Variants in BAALC observed in about 807,000 individuals in gnomAD.
The protein encoded by BAALC is brain and acute leukemia cytoplasmic protein.
Under a neutral mutation model 15.5 loss-of-function variants are expected in BAALC, and 9 were observed. The observed-to-expected ratio is 0.58, with a 90% CI of 0.35 to 1.02. The LOEUF (loss-of-function observed/expected upper bound fraction) is 1.02, where lower values mean the gene tolerates loss of function less well. Ranked by LOEUF, BAALC falls within the 50% of genes least tolerant of loss-of-function variation. The pLI, the probability that BAALC is intolerant of heterozygous loss-of-function variation, is 0.02. For missense variants in BAALC, 201 were observed against 192.4 expected, an observed-to-expected ratio of 1.04 and a Z score of -0.27; for synonymous variants, 80 against 74.6, an observed-to-expected ratio of 1.07 and a Z score of -0.37.
intron 1 of BAALC, chr8:103,141,526 G>A (rs563735025): frequency 6.4e-6 from 1 of 157,290 alleles, no homozygotes; most frequent in South Asian, 2.0e-4. Context: ...TACACAAGGC[G>A]CCTGCCTGGG....
intron 1 of BAALC, among the ~76,000 whole-genome samples, chr8:103,168,925 C>T (rs908363574): frequency 9.2e-5 from 14 of 151,984 alleles, no homozygotes; most frequent in Admixed American, 2.6e-4. Flanking sequence ...GATAGTTTGG[C>T]GGGGTATAAA....
chr8:103,215,357 A>G (rs1201613591), intron 2 of BAALC, among the ~76,000 whole-genome samples: 1 of 152,246 alleles, frequency 6.6e-6, no homozygotes, highest in African/African-American at 2.4e-5. Context: ...TTTAAATCAG[A>G]AAAGGTTTCT....
intron 1 of BAALC, among the ~76,000 whole-genome samples, chr8:103,183,705 C>G (rs891889708): frequency 2.0e-5 from 3 of 152,154 alleles, no homozygotes; most frequent in African/African-American, 7.2e-5. Context: ...CACCTCTGCT[C>G]CATACCTGCT....
At chr8:103,145,232 C>G (rs62527613) in intron 1 of BAALC, among the ~76,000 whole-genome samples, 10,637 of 152,334 alleles carry the variant, frequency 0.07, 512 homozygotes, top group Non-Finnish European at 0.11. Flanking sequence ...TTTCCCATAA[C>G]TTTATGAAGC....
intron 1 of BAALC, among the ~76,000 whole-genome samples, chr8:103,171,321 GAGAA>G (rs1210875767): frequency 6.9e-6 from 1 of 145,570 alleles, no homozygotes; most frequent in Non-Finnish European, 1.5e-5. Context: ...GAAACAGTGA[GAGAA>G]AGAGAGAAAG....
rs755510685 is a variant in BAALC, at chr8:103,198,221, G to A, written c.161-14698G>A. ...ATTGCAATGTATTGATTCCTATGTG[G>A]TGTTTCTGTTCTTATGTATCATTAT... On this transcript the variant is annotated intron_variant, in intron 1 of 2. Coordinates refer to ENST00000309982, the MANE Select transcript of BAALC (RefSeq NM_024812.3). The A allele has an allele frequency of 4.0e-5, 27 of 668,998 alleles. No homozygotes were observed. The Middle Eastern group carries it at 2.8e-3, about 70-fold the overall frequency. The allele number at this position is 668,998 out of a possible 1,614,324, so 41.4% of individuals were successfully genotyped here.
At chr8:103,219,973 C>A (rs1421041410) in intron 2 of BAALC, among the ~76,000 whole-genome samples, 3 of 152,134 alleles carry the variant, frequency 2.0e-5, no homozygotes, top group Non-Finnish European at 4.4e-5. Flanking sequence ...ACCCTTACAA[C>A]TCTAAAAGGT....
At chr8:103,206,090 G>A (rs1812322314) in intron 1 of BAALC, among the ~76,000 whole-genome samples, 1 of 152,210 alleles carries the variant, frequency 6.6e-6, no homozygotes, top group African/African-American at 2.4e-5. Flanking sequence ...AGTGCTGAGG[G>A]CAGTTTCCAG....
intron 1 of BAALC, among the ~76,000 whole-genome samples, chr8:103,176,257 A>G (rs961932689): frequency 1.7e-4 from 26 of 152,230 alleles, no homozygotes; most frequent in African/African-American, 6.3e-4. Flanking sequence ...ACATGCACAC[A>G]TGCTGCAGAA....
intron 1 of BAALC, among the ~76,000 whole-genome samples, chr8:103,144,352 C>G (rs1160855155): frequency 6.6e-6 from 1 of 152,200 alleles, no homozygotes; most frequent in African/African-American, 2.4e-5. Context: ...TTAGATTTGA[C>G]TGTTACGTAG....
intron 2 of BAALC, among the ~76,000 whole-genome samples, chr8:103,215,498 C>T (rs1450587639): frequency 6.6e-6 from 1 of 152,154 alleles, no homozygotes; most frequent in East Asian, 1.9e-4. Context: ...CCTCCCGCCA[C>T]CCCCACCACT....
At chr8:103,218,317 T>C (rs1266897323) in intron 2 of BAALC, among the ~76,000 whole-genome samples, 1 of 152,102 alleles carries the variant, frequency 6.6e-6, no homozygotes, top group African/African-American at 2.4e-5. Flanking sequence ...CTCTTTCTCT[T>C]TCTCTATTGC....
At chr8:103,187,433 TCC>T (rs944036777) in intron 1 of BAALC, among the ~76,000 whole-genome samples, 14 of 152,052 alleles carry the variant, frequency 9.2e-5, no homozygotes, top group Admixed American at 2.0e-4. Context: ...AAATTACCCA[TCC>T]CAAATGTCAA....
intron 1 of BAALC, among the ~76,000 whole-genome samples, chr8:103,184,920 G>T (rs146517456): frequency 3.3e-5 from 5 of 152,286 alleles, no homozygotes; most frequent in African/African-American, 1.2e-4. Context: ...ATCAGTGTGG[G>T]AACTGGGTAA....
Position 103,140,813 on chromosome 8 carries a change from G to T in BAALC, c.-85G>T. ...GCGATGTCGCCGCCGCCGCCTCCTT[G>T]CGGGCCGGGGCTGCGCCTCCGGGGC... On this transcript the variant is annotated 5_prime_UTR_variant, in exon 1 of 3. Transcript: ENST00000309982. The surrounding 1 kb of genome is among the most constrained non-coding windows in gnomAD (Gnocchi z 4.2). The T allele has an allele frequency of 8.3e-7, 1 of 1,199,456 alleles. No individual in the cohort carries two copies. Among genetic ancestry groups the T allele is most frequent in the Non-Finnish European group, 1.0e-6 (1 of 953,886 alleles). The allele number at this position is 1,199,456 out of a possible 1,614,324, so 74.3% of individuals were successfully genotyped here.
intron 1 of BAALC, 37 bp from the exon 2 acceptor site, chr8:103,212,882 C>G (rs778552410): frequency 6.4e-7 from 1 of 1,574,022 alleles, no homozygotes; most frequent in Non-Finnish European, 8.6e-7. Context: ...CTGCCATGTG[C>G]AAGCTTCTGG....
intron 1 of BAALC, among the ~76,000 whole-genome samples, chr8:103,209,534 C>T (rs1357482496): frequency 1.3e-5 from 2 of 152,126 alleles, no homozygotes; most frequent in African/African-American, 4.8e-5. Context: ...TTCAGACACC[C>T]CTTGCCCCTT....
intron 1 of BAALC, among the ~76,000 whole-genome samples, chr8:103,182,866 T>C (rs1467588977): frequency 6.6e-6 from 1 of 152,184 alleles, no homozygotes; most frequent in Non-Finnish European, 1.5e-5. Flanking sequence ...CAGGGTGAGC[T>C]AACTCCATAG....
chr8:103,223,752 T>G (rs189670873), intron 2 of BAALC, among the ~76,000 whole-genome samples: 2 of 152,200 alleles, frequency 1.3e-5, no homozygotes, highest in African/African-American at 2.4e-5. Context: ...CAGACTGAAA[T>G]AAAGAGCTTT....
Sources: allele counts gnomAD v4.1 joint callset (sites outside exome capture counted in the v4.1 genomes callset), GRCh38; gene constraint gnomAD v4.1.1; non-coding constraint Gnocchi (gnomAD v3.1); transcripts MANE v1.5; gene names NCBI Gene and HGNC (gene_info 2026-07-23, HGNC 2026-07-21).